Variants in IL2RA observed in about 807,000 individuals in gnomAD.
IL2RA encodes the protein interleukin-2 receptor subunit alpha.
A neutral mutation model predicts 37.8 loss-of-function variants in IL2RA; 24 were observed. The ratio of observed to expected loss-of-function variants is 0.63; its 90% CI spans 0.46 to 0.89. IL2RA has a LOEUF of 0.89. Among genes scored for constraint, IL2RA ranks in the 40% least tolerant of loss-of-function variants. The pLI, the probability that IL2RA is intolerant of heterozygous loss-of-function variation, is 0.00. For synonymous variants in IL2RA, 125 were observed against 114.6 expected, an observed-to-expected ratio of 1.09 and a Z score of -0.58; for missense variants, 319 against 348.6, an observed-to-expected ratio of 0.92 and a Z score of 0.68.
intron 1 of IL2RA, among the ~76,000 whole-genome samples, chr10:6,030,943 G>A (rs927823296): frequency 2.6e-5 from 4 of 152,076 alleles, no homozygotes; most frequent in African/African-American, 9.7e-5. Flanking sequence ...AAGGATTCAT[G>A]CTGAATAGCC....
At chr10:6,039,038 G>T (rs932257346) in intron 1 of IL2RA, among the ~76,000 whole-genome samples, 1 of 152,166 alleles carries the variant, frequency 6.6e-6, no homozygotes, top group African/African-American at 2.4e-5. Flanking sequence ...CAGAATGTTG[G>T]ACTGCATATA....
In IL2RA at chr10:6,024,251, G is replaced by T; in HGVS notation, c.360C>A (p.Ser120Arg). The T allele has an allele frequency of 1.9e-6, 3 of 1,609,382 alleles. No homozygotes were observed. Among genetic ancestry groups the T allele is most frequent in the South Asian group, 2.2e-5 (2 of 90,984 alleles). The change falls in exon 3 of 8, where the codon AGC becomes AGA. Residue 120 changes from serine (S) to arginine (R), a missense_variant. By Grantham distance (110) the Ser-to-Arg change is moderately radical. Transcript: ENST00000379959. ...GACAGATTCATCTCTCACCTGGAAG[G>T]CTCGCTTGGTCCACTGGCTGCATTG... ...QSPMQPVDQASLPGHCREPPP... is the reference protein window; with the variant it reads ...QSPMQPVDQARLPGHCREPPP...
chr10:6,041,008 G>T (rs1839763470), intron 1 of IL2RA, among the ~76,000 whole-genome samples: 1 of 152,058 alleles, frequency 6.6e-6, no homozygotes, highest in South Asian at 2.1e-4. Context: ...TTAGTTGCCA[G>T]AAATGTGCTA....
intron 1 of IL2RA, among the ~76,000 whole-genome samples, chr10:6,045,840 A>G (rs559867444): frequency 5.3e-5 from 8 of 152,216 alleles, no homozygotes; most frequent in Non-Finnish European, 1.0e-4. Context: ...AGAATAAGTA[A>G]GTATAACTTA....
intron 1 of IL2RA, among the ~76,000 whole-genome samples, chr10:6,027,679 G>C (rs940616752): frequency 1.3e-5 from 2 of 152,130 alleles, no homozygotes; most frequent in African/African-American, 2.4e-5. Context: ...GAAAATAACA[G>C]GTATGGAATA....
At chr10:6,031,455 CATAT>C (rs869288057) in intron 1 of IL2RA, among the ~76,000 whole-genome samples, 84 of 67,160 alleles carry the variant, frequency 1.3e-3, no homozygotes, top group African/African-American at 2.4e-3. Flanking sequence ...TATATATATA[CATAT>C]ATATATATAT....
rs1475355267 is a variant in IL2RA, at chr10:6,057,369, A to G, written c.64+4719T>C. Among the ~76,000 whole-genome samples the G allele has an allele frequency of 6.6e-6, 1 of 152,174 alleles. No individual in the cohort carries two copies. The highest frequency in any genetic ancestry group is 1.5e-5 in the Non-Finnish European group (1 of 68,032). On this transcript the variant is annotated intron_variant, in intron 1 of 7. Coordinates refer to ENST00000379959, the MANE Select transcript of IL2RA (RefSeq NM_000417.3). The surrounding 1 kb of genome is among the most constrained non-coding windows in gnomAD (Gnocchi z 4.8). Reference sequence around the variant, plus strand: ...TCAGGCTTGGGTGCATTGATACACAAAAGTCGCTCAACCCTGACCGTGCCA... The same window carrying G: ...TCAGGCTTGGGTGCATTGATACACAGAAGTCGCTCAACCCTGACCGTGCCA...
chr10:6,040,347 G>A (rs1038768160), intron 1 of IL2RA, among the ~76,000 whole-genome samples: 2 of 151,998 alleles, frequency 1.3e-5, no homozygotes, highest in African/African-American at 4.8e-5. Context: ...TGCTGTATTC[G>A]GTTGTTTCCT....
intron 3 of IL2RA, 76 bp downstream of exon 3, chr10:6,024,168 T>G: frequency 2.1e-6 from 2 of 962,576 alleles, no homozygotes; most frequent in South Asian, 2.6e-5. Flanking sequence ...ACCTTCTTCC[T>G]TTGGGTACAC....
At chr10:6,026,168 G>T in intron 1 of IL2RA, 143 bp from the exon 2 acceptor site, 1 of 825,514 alleles carries the variant, frequency 1.2e-6, no homozygotes, top group Non-Finnish European at 2.0e-6. Flanking sequence ...AAGCAACTAA[G>T]GCTGCTACCA....
At chr10:6,051,962 G>A (rs1019470358) in intron 1 of IL2RA, among the ~76,000 whole-genome samples, 1 of 150,726 alleles carries the variant, frequency 6.6e-6, no homozygotes, top group Non-Finnish European at 1.5e-5. Flanking sequence ...TTGGAGAACG[G>A]TTCACATGCA....
rs1839201877 is a variant in IL2RA at position 6,012,247 on chromosome 10, T to C, written c.*625A>G. 1 of 152,930 alleles carries C rather than the reference T, an allele frequency of 6.5e-6. No homozygotes were observed. The highest frequency in any genetic ancestry group is 2.4e-5 in the African/African-American group (1 of 41,418). 9.5% of individuals were successfully genotyped at this position (152,930 alleles called of 1,614,324 possible). A position where few individuals can be genotyped will look rare whatever the true frequency, so the allele number is the denominator to read the frequency against. On this transcript the variant is annotated 3_prime_UTR_variant, in exon 8 of 8. Transcript: ENST00000379959. This position sits in a 1 kb window ranked among gnomAD's most constrained non-coding sequence, Gnocchi z 4.8. Reference sequence around the variant, plus strand: ...TGCCATGGCCTCTGTTTTTTAGAAATTCAAGACTGAAGGCTCAGTAGAAGG... The same window carrying C: ...TGCCATGGCCTCTGTTTTTTAGAAACTCAAGACTGAAGGCTCAGTAGAAGG...
At position 6,020,889 on chromosome 10, in the gene IL2RA, G is replaced by A. The variant is rs1483584234; in HGVS notation, c.583+589C>T. Among the ~76,000 whole-genome samples, 1 of 152,172 alleles carries A rather than the reference G, an allele frequency of 6.6e-6. No homozygotes were observed. Among genetic ancestry groups the A allele is most frequent in the Non-Finnish European group, 1.5e-5 (1 of 68,032 alleles). The stretch of plus-strand genomic sequence containing the variant: ...CTAATAAGATTTCAGAAGGAAGACA[G>A]CAGGAGACCTCGACATCGGTGGGCT... On this transcript the variant is annotated intron_variant, in intron 4 of 7. Transcript: ENST00000379959. This position sits in a 1 kb window ranked among gnomAD's most constrained non-coding sequence, Gnocchi z 5.6.
rs567227189 is a variant in IL2RA at position 6,054,650 on chromosome 10, G to A, written c.64+7438C>T. Among the ~76,000 whole-genome samples the A allele has an allele frequency of 3.9e-5, 6 of 152,050 alleles. No homozygotes were observed. The South Asian group carries it at 1.0e-3, about 26-fold the overall frequency. On this transcript the variant is annotated intron_variant, in intron 1 of 7. Transcript: ENST00000379959. This position sits in a 1 kb window ranked among gnomAD's most constrained non-coding sequence, Gnocchi z 4.5. ...CTCATGGAACACGGTCCATGTACAC[G>A]ACTCCAGCAGCATCACTAGAAAACA...
At position 6,025,697 on chromosome 10, in the gene IL2RA, G is replaced by T; in HGVS notation, c.256+137C>A. The T allele has an allele frequency of 1.2e-6, 1 of 836,108 alleles. No individual in the cohort carries two copies. The highest frequency in any genetic ancestry group is 2.0e-6 in the Non-Finnish European group (1 of 508,944). The allele number at this position is 836,108 out of a possible 1,614,324, so 51.8% of individuals were successfully genotyped here. A position where few individuals can be genotyped will look rare whatever the true frequency, so the allele number is the denominator to read the frequency against. ...ATTGTGTTTAGTGAATGACTTTTCA[G>T]GAACCACTAAAATTAGTTATCCTGT... On this transcript the variant is annotated intron_variant, in intron 2 of 7. Coordinates refer to ENST00000379959, the MANE Select transcript of IL2RA (RefSeq NM_000417.3). This position sits in a 1 kb window ranked among gnomAD's most constrained non-coding sequence, Gnocchi z 4.4.
intron 1 of IL2RA, among the ~76,000 whole-genome samples, chr10:6,040,328 T>A (rs1839752719): frequency 6.6e-6 from 1 of 152,250 alleles, no homozygotes; most frequent in Non-Finnish European, 1.5e-5. Flanking sequence ...TAAGAACTAT[T>A]TATGAGAATG....
Position 6,031,496 on chromosome 10 carries a change from A to ATATG in IL2RA, c.65-5472_65-5471insCATA, listed in dbSNP as rs1564546001. ...TATATATATATATATATATATATGT[A>ATATG]TATATATATATATATGTATATATAT... On this transcript the variant is annotated intron_variant, in intron 1 of 7. Coordinates refer to ENST00000379959, the MANE Select transcript of IL2RA (RefSeq NM_000417.3). 6.2e-3 allele frequency among the ~76,000 whole-genome samples: 414 copies of ATATG among 66,574 alleles called. 13 individuals carry two copies. Among genetic ancestry groups the ATATG allele is most frequent in the African/African-American group, 0.022 (401 of 17,896 alleles). The allele number at this position is 66,574 out of a possible 152,430, so 43.7% of individuals were successfully genotyped here.
rs1230614217 is a variant in IL2RA at position 6,047,255 on chromosome 10, G to A, written c.64+14833C>T. ...CCCCATGCCAACAGCACTCCATCCC[G>A]ACCTCATACCATGTGCACAGCACCT... On this transcript the variant is annotated intron_variant, in intron 1 of 7. Transcript: ENST00000379959. This position sits in a 1 kb window ranked among gnomAD's most constrained non-coding sequence, Gnocchi z 5.0. Among the ~76,000 whole-genome samples, 5 of 152,278 alleles carry A rather than the reference G, an allele frequency of 3.3e-5. No individual in the cohort carries two copies. The highest frequency in any genetic ancestry group is 2.0e-4 in the Admixed American group (3 of 15,296).
rs2132853922 is a variant in IL2RA at position 6,021,671 on chromosome 10, T to C, written c.390A>G (p.Pro130=). ...TTCTCTCTGTGGCTTCATTTTCCCA[T>C]GGTGGAGGTTCCCTGCAGTGACCTG... ...SLPGHCREPP[P]WENEATERIY... is the part of the protein sequence containing the mutation. The change falls in exon 4 of 8, where the codon CCA becomes CCG. Residue 130 remains proline, a synonymous_variant. Coordinates refer to ENST00000379959, the MANE Select transcript of IL2RA (RefSeq NM_000417.3). The surrounding 1 kb of genome is among the most constrained non-coding windows in gnomAD (Gnocchi z 4.9). The C allele has an allele frequency of 1.2e-6, 2 of 1,613,968 alleles. No individual in the cohort carries two copies. Among genetic ancestry groups the C allele is most frequent in the Non-Finnish European group, 8.5e-7 (1 of 1,179,918 alleles).
Sources: gnomAD v4.1 joint callset for allele counts (sites outside exome capture counted in the v4.1 genomes callset) on GRCh38, gnomAD v4.1.1 for gene constraint, Gnocchi (gnomAD v3.1) non-coding constraint, MANE v1.5 for transcripts, NCBI Gene and HGNC (gene_info 2026-07-23, HGNC 2026-07-21) for gene names.